Variants in LIN9 observed in about 807,000 individuals in gnomAD.
LIN9 encodes lin-9 DREAM MuvB core complex component.
A neutral mutation model predicts 78.0 loss-of-function variants in LIN9; 18 were observed. That is an observed-to-expected ratio of 0.23 (90% CI 0.16 to 0.34). LIN9 has a LOEUF of 0.34. LIN9 is among the 10% of genes least tolerant of loss of function. The pLI is 1.00. For missense variants in LIN9, 451 were observed against 644.1 expected (o/e 0.70, Z 3.25); for synonymous variants, 192 against 215.2 (o/e 0.89, Z 0.94).
chr1:226,276,087 C>T (rs1186659010), intron 7 of LIN9, among the ~76,000 whole-genome samples: 1 of 152,188 alleles, frequency 6.6e-6, no homozygotes, highest in Non-Finnish European at 1.5e-5. Flanking sequence ...AATTTTCTCA[C>T]ATTTTGCTAT....
chr1:226,269,727 C>T (rs1322282081), intron 7 of LIN9, among the ~76,000 whole-genome samples: 1 of 152,126 alleles, frequency 6.6e-6, no homozygotes, highest in Non-Finnish European at 1.5e-5. Flanking sequence ...TCTCTACCAT[C>T]CCTGGCTAAC....
At chr1:226,286,241 C>A in intron 6 of LIN9, 92 bp downstream of exon 6, 1 of 1,374,200 alleles carries the variant, frequency 7.3e-7, no homozygotes, top group Non-Finnish European at 9.9e-7. Flanking sequence ...GCAAATACCC[C>A]ATCTTAGCCT....
chr1:226,250,262 C>T (rs1352866461), intron 11 of LIN9, among the ~76,000 whole-genome samples: 4 of 151,436 alleles, frequency 2.6e-5, no homozygotes, highest in East Asian at 1.9e-4. Flanking sequence ...AGGATATAAA[C>T]GTTGTCAAGA....
chr1:226,302,344 C>T (rs144272242), intron 1 of LIN9, among the ~76,000 whole-genome samples: 7 of 152,164 alleles, frequency 4.6e-5, no homozygotes, highest in Admixed American at 3.3e-4. Context: ...GAGATCAAGA[C>T]CATCTTGGCT....
chr1:226,279,420 T>C (rs1338310754), intron 6 of LIN9, among the ~76,000 whole-genome samples: 1 of 151,174 alleles, frequency 6.6e-6, no homozygotes, highest in South Asian at 2.1e-4. Context: ...GCTGTGATTG[T>C]ACCACTGCAC....
intron 1 of LIN9, among the ~76,000 whole-genome samples, chr1:226,308,549 CA>C (rs1663069203): frequency 6.6e-6 from 1 of 152,094 alleles, no homozygotes; most frequent in Non-Finnish European, 1.5e-5. Context: ...GAAACACTTC[CA>C]GGGGTGGACA....
At chr1:226,235,594 ATTTCCTTTGAGT>A (rs1262938194) in intron 12 of LIN9, among the ~76,000 whole-genome samples, 1 of 152,172 alleles carries the variant, frequency 6.6e-6, no homozygotes, top group African/African-American at 2.4e-5. Flanking sequence ...TCCAGGGAGC[ATTTCCTTTGAGT>A]TTCACTTTGG....
chr1:226,267,210 T>C (rs997059459), intron 8 of LIN9, among the ~76,000 whole-genome samples: 1 of 144,560 alleles, frequency 6.9e-6, no homozygotes, highest in Non-Finnish European at 1.5e-5. Context: ...TCAAGCAATA[T>C]TGTATTTCTG....
intron 14 of LIN9, chr1:226,232,835 C>G (rs2377027): frequency 0.54 from 264,399 of 493,948 alleles, 72,607 homozygotes; most frequent in East Asian, 0.76. Context: ...GAGTCTCTCA[C>G]TGACTGGGGA....
At chr1:226,250,812 TGAA>T in intron 11 of LIN9, 24 bp downstream of exon 11, 3 of 1,196,184 alleles carry the variant, frequency 2.5e-6, no homozygotes, top group Non-Finnish European at 3.6e-6. Flanking sequence ...GACAAGCAAA[TGAA>T]GAAAAAAAAA....
At chr1:226,278,438 C>A (rs545340925) in intron 6 of LIN9, among the ~76,000 whole-genome samples, 1 of 151,142 alleles carries the variant, frequency 6.6e-6, no homozygotes, top group Non-Finnish European at 1.5e-5. Context: ...TTAAAAAAAA[C>A]AAAAACAAAA....
At chr1:226,283,997 ACT>A (rs954965610) in intron 6 of LIN9, among the ~76,000 whole-genome samples, 21 of 151,308 alleles carry the variant, frequency 1.4e-4, no homozygotes, top group Non-Finnish European at 1.2e-4. Flanking sequence ...ATTAAGTAAA[ACT>A]CTCTTATGTT....
At position 226,273,834 on chromosome 1, in the gene LIN9, C is replaced by CTT. The variant is rs572172734; in HGVS notation, c.682+3939_682+3940dup. On this transcript the variant is annotated intron_variant, in intron 7 of 14. Transcript: ENST00000681046. ...ACTACAATGCTCCCTCTCAACATTACTTTTTTTTTTTTTTTTTCTTTGAGA... is the reference window on the plus strand; with the variant it reads ...ACTACAATGCTCCCTCTCAACATTACTTTTTTTTTTTTTTTTTTTCTTTGAGA... 8.6e-3 allele frequency among the ~76,000 whole-genome samples: 1,182 copies of CTT among 137,084 alleles called. 13 individuals are homozygous for CTT. The highest frequency in any genetic ancestry group is 0.01 in the African/African-American group (373 of 36,858). 89.9% of individuals were successfully genotyped at this position (137,084 alleles called of 152,430 possible). A position where few individuals can be genotyped will look rare whatever the true frequency, so the allele number is the denominator to read the frequency against.
At chr1:226,256,300 T>A (rs1370798864) in intron 10 of LIN9, among the ~76,000 whole-genome samples, 1 of 152,012 alleles carries the variant, frequency 6.6e-6, no homozygotes, top group Non-Finnish European at 1.5e-5. Context: ...TCATCTGACT[T>A]CTTCTTAGAA....
upstream of LIN9, chr1:226,309,255 G>T (rs1331786320): frequency 8.0e-7 from 1 of 1,252,464 alleles, no homozygotes; most frequent in Non-Finnish European, 1.0e-6. Context: ...GCGCCGCGCT[G>T]CGCTGCTCCC....
chr1:226,263,057 C>T (rs1471933684), intron 10 of LIN9, among the ~76,000 whole-genome samples: 1 of 152,090 alleles, frequency 6.6e-6, no homozygotes, highest in East Asian at 1.9e-4. Flanking sequence ...TACTGTATGA[C>T]TTCAAATATA....
At chr1:226,251,234 T>A (rs958618692) in intron 10 of LIN9, among the ~76,000 whole-genome samples, 1 of 149,980 alleles carries the variant, frequency 6.7e-6, no homozygotes, top group Non-Finnish European at 1.5e-5. Flanking sequence ...TTGTAATTTT[T>A]TTTTTTTTTT....
At chr1:226,278,061 T>C in intron 6 of LIN9, 129 bp from the exon 7 acceptor site, 3 of 660,866 alleles carry the variant, frequency 4.5e-6, no homozygotes, top group Non-Finnish European at 7.4e-6. Flanking sequence ...GGCACAATCT[T>C]GGCTCACTGC....
intron 7 of LIN9, among the ~76,000 whole-genome samples, chr1:226,277,216 G>GAAAAA (rs71168975): frequency 1.1e-5 from 1 of 91,460 alleles, no homozygotes; most frequent in Non-Finnish European, 2.2e-5. Context: ...GTCTCAAAAA[G>GAAAAA]AAAAAAAAAA....
Sources: allele counts gnomAD v4.1 joint callset (sites outside exome capture counted in the v4.1 genomes callset), GRCh38; gene constraint gnomAD v4.1.1; transcripts MANE v1.5; gene names NCBI Gene and HGNC (gene_info 2026-07-23, HGNC 2026-07-21).